The following KCNU1 variants were observed in gnomAD, a reference collection of about 807,000 sequenced individuals.
KCNU1 encodes potassium channel subfamily U member 1.
In KCNU1, 93 loss-of-function variants were observed where a neutral mutation model predicts 126.8. The observed-to-expected ratio is 0.73, with a 90% CI of 0.62 to 0.87. KCNU1 has a LOEUF of 0.87. KCNU1 is among the 40% of genes least tolerant of loss of function. KCNU1 has a pLI of 0.00. For synonymous variants in KCNU1, 523 were observed against 494.2 expected (o/e 1.06, Z -0.77); for missense variants, 1,330 against 1,367.1 (o/e 0.97, Z 0.43).
rs368345465 is a variant in KCNU1, at chr8:36,935,677, T to C, written c.3207T>C (p.His1069=). 1 of 1,613,326 alleles carries C rather than the reference T, an allele frequency of 6.2e-7. No homozygotes were observed. Among genetic ancestry groups the C allele is most frequent in the Admixed American group, 1.7e-5 (1 of 59,930 alleles). Residue 1069 remains histidine, a synonymous_variant, in exon 27 of 27, where the codon CAT becomes CAC. Coordinates refer to ENST00000399881, the MANE Select transcript of KCNU1 (RefSeq NM_001031836.3). Reference sequence around the variant, plus strand: ...AAGCATCACAGACAACAGAGACACATTCAGACACAAATTGTCCTCCCACCA... The same window carrying C: ...AAGCATCACAGACAACAGAGACACACTCAGACACAAATTGTCCTCCCACCA... ...VNKASQTTET[H]SDTNCPPTID...
At chr8:36,827,336 T>C (rs2130517704) in intron 10 of KCNU1, among the ~76,000 whole-genome samples, 1 of 152,324 alleles carries the variant, frequency 6.6e-6, no homozygotes, top group South Asian at 2.1e-4. Context: ...TGCCAGTTTA[T>C]ATTTTGGAAA....
At chr8:36,803,605 G>A (rs145792236) in intron 2 of KCNU1, among the ~76,000 whole-genome samples, 1 of 152,058 alleles carries the variant, frequency 6.6e-6, no homozygotes, top group Non-Finnish European at 1.5e-5. Context: ...TCAAATCCAG[G>A]GTCTATTTCC....
At chr8:36,817,516 A>G (rs1362218613) in intron 9 of KCNU1, 134 bp from the exon 10 acceptor site, 5 of 520,726 alleles carry the variant, frequency 9.6e-6, no homozygotes, top group Non-Finnish European at 1.7e-5. Context: ...AAAAAAAAAA[A>G]AAAAAAAAAT....
chr8:36,894,187 C>A (rs1807089598), intron 19 of KCNU1, among the ~76,000 whole-genome samples: 1 of 152,090 alleles, frequency 6.6e-6, no homozygotes, highest in Non-Finnish European at 1.5e-5. Context: ...CATACAAAAG[C>A]ATTGTGCTTA....
chr8:36,859,980 C>CA (rs1182838126), intron 18 of KCNU1, among the ~76,000 whole-genome samples: 1 of 152,062 alleles, frequency 6.6e-6, no homozygotes, highest in East Asian at 1.9e-4. Context: ...AGCACAAACT[C>CA]AAAAGGAATC....
At position 36,840,530 on chromosome 8, in the gene KCNU1, G is replaced by A. The variant is rs373537074; in HGVS notation, c.1586G>A (p.Arg529His). The A allele has an allele frequency of 4.5e-5, 73 of 1,612,844 alleles. No homozygotes were observed. The highest frequency in any genetic ancestry group is 5.5e-5 in the Non-Finnish European group (65 of 1,179,246). The change falls in exon 15 of 27, where the codon CGT becomes CAT. Residue 529 changes from arginine (R) to histidine (H), a missense_variant. Arg to His is a conservative substitution (Grantham distance 29, BLOSUM62 0). This residue lies in a region of KCNU1 where 1,054 missense variants were observed against 1,053.9 expected (regional missense o/e 1.00). Transcript: ENST00000399881. ...NSMKNKILTQRLSDDFAGMSF... is the reference protein window; with the variant it reads ...NSMKNKILTQHLSDDFAGMSF... ...ATGAAAAACAAAATTCTGACCCAAC[G>A]TCTCTCTGATGACTTTGCTGGAATG... is the stretch of plus-strand genomic sequence containing the variant.
intron 19 of KCNU1, among the ~76,000 whole-genome samples, chr8:36,872,608 C>A (rs540264029): frequency 6.6e-6 from 1 of 152,238 alleles, no homozygotes; most frequent in Admixed American, 6.5e-5. Flanking sequence ...AAGTATAAGA[C>A]TTTGAGAGAA....
chr8:36,845,955 C>T (rs1028620730), intron 18 of KCNU1, 56 bp downstream of exon 18: 14 of 1,037,016 alleles, frequency 1.4e-5, no homozygotes, highest in African/African-American at 7.9e-5. Context: ...AGCTGCCTGA[C>T]GAAAGAGAAG....
chr8:36,888,684 G>A (rs1806819318), intron 19 of KCNU1: 1 of 534,346 alleles, frequency 1.9e-6, no homozygotes, highest in Admixed American at 1.9e-5. Flanking sequence ...ATAATCACTA[G>A]TGTTGATATT....
At chr8:36,870,911 T>G (rs1276141923) in intron 19 of KCNU1, among the ~76,000 whole-genome samples, 1 of 152,058 alleles carries the variant, frequency 6.6e-6, no homozygotes, top group Non-Finnish European at 1.5e-5. Flanking sequence ...TCCCCAAGAG[T>G]CCCATTGGCA....
intron 16 of KCNU1, among the ~76,000 whole-genome samples, chr8:36,843,697 A>T (rs978122715): frequency 1.3e-5 from 2 of 152,220 alleles, no homozygotes; most frequent in Admixed American, 6.5e-5. Context: ...TTAAGCAAAT[A>T]TATTGAAATT....
At chr8:36,810,767 C>A (rs1202464416) in intron 7 of KCNU1, among the ~76,000 whole-genome samples, 1 of 151,988 alleles carries the variant, frequency 6.6e-6, no homozygotes, top group Non-Finnish European at 1.5e-5. Context: ...AGCAGAGAAA[C>A]ATTAGCATTA....
chr8:36,857,912 C>T (rs374732461), intron 18 of KCNU1, among the ~76,000 whole-genome samples: 103 of 152,280 alleles, frequency 6.8e-4, no homozygotes, highest in African/African-American at 2.1e-3. Context: ...TCCCAAAGTG[C>T]TGGGATTACA....
chr8:36,794,055 CAAAAAAAAAAAAAA>C (rs747930765), intron 2 of KCNU1, among the ~76,000 whole-genome samples: 1 of 64,978 alleles, frequency 1.5e-5, no homozygotes, highest in Non-Finnish European at 3.3e-5. Flanking sequence ...CTCTGTCTCT[CAAAAAAAAAAAAAA>C]AAAAAAAAGG....
chr8:36,908,603 A>G (rs1585547935), intron 20 of KCNU1, among the ~76,000 whole-genome samples: 1 of 147,454 alleles, frequency 6.8e-6, no homozygotes, highest in Admixed American at 6.9e-5. Flanking sequence ...CAAACACCGC[A>G]TATTCTCACT....
At chr8:36,822,138 C>A (rs1445312706) in intron 10 of KCNU1, among the ~76,000 whole-genome samples, 1 of 152,006 alleles carries the variant, frequency 6.6e-6, no homozygotes, top group African/African-American at 2.4e-5. Context: ...TGACAGTATG[C>A]CGGTTATGCC....
At chr8:36,878,714 A>G (rs559397428) in intron 19 of KCNU1, among the ~76,000 whole-genome samples, 1 of 151,518 alleles carries the variant, frequency 6.6e-6, no homozygotes, top group Non-Finnish European at 1.5e-5. Context: ...CAATAGTCAT[A>G]GTAAATAAAT....
chr8:36,912,953 C>CAAAA (rs71547665), intron 22 of KCNU1, among the ~76,000 whole-genome samples: 6 of 37,366 alleles, frequency 1.6e-4, no homozygotes, highest in African/African-American at 2.5e-4. Context: ...GGTGACAGAG[C>CAAAA]AAAAAAAAAA....
intron 18 of KCNU1, among the ~76,000 whole-genome samples, chr8:36,862,719 C>T (rs1318408696): frequency 1.3e-5 from 2 of 152,230 alleles, no homozygotes; most frequent in Admixed American, 1.3e-4. Context: ...ACCCCTCCCA[C>T]TTATCCTTCC....
Sources: allele counts gnomAD v4.1 joint callset (sites outside exome capture counted in the v4.1 genomes callset), GRCh38; gene constraint gnomAD v4.1.1; regional missense constraint gnomAD v4.1.1; transcripts MANE v1.5; gene names NCBI Gene and HGNC (gene_info 2026-07-23, HGNC 2026-07-21).